Variants in KIZ observed in about 807,000 individuals in gnomAD.
The protein encoded by KIZ is centrosomal protein kizuna.
Under a neutral mutation model 79.6 loss-of-function variants are expected in KIZ, and 68 were observed. The ratio of observed to expected loss-of-function variants is 0.85; its 90% CI spans 0.70 to 1.05. The LOEUF (loss-of-function observed/expected upper bound fraction) is 1.05, where lower values mean the gene tolerates loss of function less well. Among genes scored for constraint, KIZ ranks in the 50% least tolerant of loss-of-function variants. KIZ has a pLI of 0.00. For synonymous variants in KIZ, 280 were observed against 281.8 expected (o/e 0.99, Z 0.06); for missense variants, 797 against 800.4 (o/e 1.00, Z 0.05).
chr20:21,207,325 T>C (rs1177128341), intron 7 of KIZ, among the ~76,000 whole-genome samples: 1 of 152,088 alleles, frequency 6.6e-6, no homozygotes, highest in Non-Finnish European at 1.5e-5. Context: ...TTTTATAACA[T>C]TTCAAACATA....
At chr20:21,133,425 C>T (rs1316153215) in intron 2 of KIZ, among the ~76,000 whole-genome samples, 1 of 152,180 alleles carries the variant, frequency 6.6e-6, no homozygotes, top group Non-Finnish European at 1.5e-5. Flanking sequence ...TTTTCTAGCC[C>T]ATGGCTAAAG....
intron 1 of KIZ, among the ~76,000 whole-genome samples, chr20:21,130,506 A>G (rs902826117): frequency 6.6e-6 from 1 of 152,174 alleles, no homozygotes; most frequent in African/African-American, 2.4e-5. Flanking sequence ...AAAAATTTCT[A>G]ATGTGGAAGC....
intron 6 of KIZ, among the ~76,000 whole-genome samples, chr20:21,170,191 T>C (rs1384973591): frequency 1.3e-5 from 2 of 152,194 alleles, no homozygotes; most frequent in East Asian, 3.8e-4. Context: ...TATCTATTTA[T>C]AGGGTACATG....
chr20:21,194,911 G>A (rs1465692933), intron 6 of KIZ: 1 of 152,116 alleles, frequency 6.6e-6, no homozygotes, highest in East Asian at 1.9e-4. Flanking sequence ...CTTGTCATTT[G>A]ACATGTAGTA....
chr20:21,164,740 C>G (rs1007218935), intron 6 of KIZ, among the ~76,000 whole-genome samples: 3 of 151,098 alleles, frequency 2.0e-5, no homozygotes, highest in African/African-American at 7.3e-5. Flanking sequence ...ATCTTGGAGG[C>G]ATAAAGTCAA....
At chr20:21,205,383 C>T in intron 6 of KIZ, 108 bp from the exon 7 acceptor site, 1 of 524,130 alleles carries the variant, frequency 1.9e-6, no homozygotes, top group Non-Finnish European at 3.4e-6. Flanking sequence ...TGTTGAGTTC[C>T]AGACTTCTGG....
At chr20:21,163,503 TG>T (rs2033792676) in intron 6 of KIZ, among the ~76,000 whole-genome samples, 1 of 152,240 alleles carries the variant, frequency 6.6e-6, no homozygotes, top group African/African-American at 2.4e-5. Context: ...AAATCTGTTT[TG>T]AAGTTTTGGT....
intron 10 of KIZ, among the ~76,000 whole-genome samples, chr20:21,231,959 T>G (rs1226932557): frequency 6.6e-6 from 1 of 152,224 alleles, no homozygotes; most frequent in Non-Finnish European, 1.5e-5. Context: ...GGACACATTT[T>G]TAAAATAATC....
chr20:21,141,611 A>G (rs1460701114), intron 3 of KIZ, among the ~76,000 whole-genome samples: 1 of 152,060 alleles, frequency 6.6e-6, no homozygotes, highest in Non-Finnish European at 1.5e-5. Context: ...AGCCTACCTC[A>G]TGGCAATATT....
intron 7 of KIZ, among the ~76,000 whole-genome samples, chr20:21,209,635 A>AGT (rs1374599382): frequency 6.6e-6 from 1 of 152,266 alleles, no homozygotes; most frequent in East Asian, 1.9e-4. Flanking sequence ...GTAGAACTTA[A>AGT]GTGTTGATGC....
rs541473623 is a variant in KIZ, at chr20:21,161,441, C to G, written c.406-430C>G. Among the ~76,000 whole-genome samples, 15 of 152,294 alleles carry G rather than the reference C, an allele frequency of 9.8e-5. No individual in the cohort carries two copies. The East Asian group carries it at 2.7e-3, about 27-fold the overall frequency. Reference sequence around the variant, plus strand: ...CTGCTGCCCGGGTTCAAGTGATTCTCCTGCCTCAGCTTCCTGAATAGCTAG... The same window carrying G: ...CTGCTGCCCGGGTTCAAGTGATTCTGCTGCCTCAGCTTCCTGAATAGCTAG... On this transcript the variant is annotated intron_variant, in intron 4 of 12. Coordinates refer to ENST00000619189, the MANE Select transcript of KIZ (RefSeq NM_018474.6).
chr20:21,138,428 A>G lies in KIZ; in HGVS notation c.315+1876A>G, dbSNP rs542513582. On this transcript the variant is annotated intron_variant, in intron 3 of 12. Transcript: ENST00000619189. ...GCAGTGATGACAATGTTCTGTATCT[A>G]TGCTGATGCTATCTAATACAGCTAC... is the stretch of plus-strand genomic sequence containing the variant. 2.0e-5 allele frequency among the ~76,000 whole-genome samples: 3 copies of G among 152,352 alleles called. No individual in the cohort carries two copies. In the South Asian group the frequency reaches 6.2e-4, roughly 32 times the overall value.
intron 10 of KIZ, among the ~76,000 whole-genome samples, chr20:21,229,321 A>G (rs2036761436): frequency 6.6e-6 from 1 of 152,276 alleles, no homozygotes; most frequent in Non-Finnish European, 1.5e-5. Flanking sequence ...TGTGCTGGCC[A>G]GCATGGCAAT....
At chr20:21,180,697 G>C (rs1600471434) in intron 6 of KIZ, among the ~76,000 whole-genome samples, 2 of 152,276 alleles carry the variant, frequency 1.3e-5, no homozygotes, top group South Asian at 4.1e-4. Flanking sequence ...GAGAAAGCAG[G>C]ACATAGGCAG....
In KIZ at chr20:21,141,829, T is replaced by A. The variant is rs953628280; in HGVS notation, c.316-3736T>A. ...CACACACACACACACACACACTCTC[T>A]CTCTCTCTCTCTCTCTCTCTGTGTT... On this transcript the variant is annotated intron_variant, in intron 3 of 12. Transcript: ENST00000619189. 6.1e-3 allele frequency among the ~76,000 whole-genome samples: 814 copies of A among 134,154 alleles called. 7 individuals carry two copies. Among genetic ancestry groups the A allele is most frequent in the African/African-American group, 0.01 (296 of 28,356 alleles). The allele number at this position is 134,154 out of a possible 152,430, so 88.0% of individuals were successfully genotyped here.
At chr20:21,149,840 C>A (rs1206632507) in intron 4 of KIZ, among the ~76,000 whole-genome samples, 1 of 152,156 alleles carries the variant, frequency 6.6e-6, no homozygotes, top group Non-Finnish European at 1.5e-5. Context: ...AATCCTAAAA[C>A]TATACTGAAA....
chr20:21,145,571 T>C lies in KIZ; in HGVS notation c.322T>C (p.Tyr108His), dbSNP rs1421930175. 2 of 1,483,254 alleles carry C rather than the reference T, an allele frequency of 1.3e-6. No individual in the cohort carries two copies. Among genetic ancestry groups the C allele is most frequent in the Non-Finnish European group, 9.1e-7 (1 of 1,093,594 alleles). 91.9% of individuals were successfully genotyped at this position (1,483,254 alleles called of 1,614,324 possible). Residue 108 changes from tyrosine to histidine, a missense_variant, in exon 4 of 13, where the codon TAT becomes CAT. Tyr to His is a moderately conservative substitution (Grantham distance 83). Transcript: ENST00000619189. The part of the protein sequence containing the change: ...TEKLQKLKLE[Y>H]ETQIKKMLCS... ...AAACTTTCTTTATATTTAGCTCGAA[T>C]ATGAGACTCAAATTAAGAAGATGCT...
chr20:21,205,207 C>T (rs1340622591), intron 6 of KIZ, among the ~76,000 whole-genome samples: 1 of 152,124 alleles, frequency 6.6e-6, no homozygotes, highest in Non-Finnish European at 1.5e-5. Context: ...ACCATTTTTC[C>T]TGGACTCTGT....
In KIZ at chr20:21,161,919, T is replaced by C. The variant is rs1400787321; in HGVS notation, c.454T>C (p.Leu152=). 1 of 1,613,526 alleles carries C rather than the reference T, an allele frequency of 6.2e-7. No homozygotes were observed. Among genetic ancestry groups the C allele is most frequent in the South Asian group, 1.1e-5 (1 of 91,074 alleles). Reference sequence around the variant, plus strand: ...CTCAGGAACAGCCATGTCAAGAGGATTGTATCAACCAGCAACAATCTTTAT... The same window carrying C: ...CTCAGGAACAGCCATGTCAAGAGGACTGTATCAACCAGCAACAATCTTTAT... ...INSGTAMSRG[L]YQPATIFMGR... Residue 152 remains leucine, a synonymous_variant, in exon 5 of 13, where the codon TTG becomes CTG. Transcript: ENST00000619189.
Sources: gnomAD v4.1 joint callset for allele counts (sites outside exome capture counted in the v4.1 genomes callset) on GRCh38, gnomAD v4.1.1 for gene constraint, MANE v1.5 for transcripts, NCBI Gene and HGNC (gene_info 2026-07-23, HGNC 2026-07-21) for gene names.